MEGF10: variants seen among roughly 807,000 people sequenced by gnomAD.
MEGF10 encodes multiple EGF like domains 10, also known as multiple epidermal growth factor-like domains protein 10.
MEGF10 carries 86 observed loss-of-function variants against 147.5 expected under a neutral mutation model. That is an observed-to-expected ratio of 0.58 (90% CI 0.49 to 0.70). The LOEUF (loss-of-function observed/expected upper bound fraction) is 0.70, where lower values mean the gene tolerates loss of function less well. MEGF10 is among the 30% of genes least tolerant of loss of function. The pLI is 0.00. For missense variants in MEGF10, 1,329 were observed against 1,487.3 expected (o/e 0.89, Z 1.75); for synonymous variants, 478 against 525.5 (o/e 0.91, Z 1.24).
In MEGF10 at chr5:127,357,118, G is replaced by T. The variant is rs865903212; in HGVS notation, c.320-12792G>T. ...TCTTCTAAGGACAATTATATTATCT[G>T]TTCTAACAACTCAAGAAAGGGAAAG... On this transcript the variant is annotated intron_variant, in intron 4 of 24. Transcript: ENST00000503335. 3.3e-5 allele frequency among the ~76,000 whole-genome samples: 5 copies of T among 152,226 alleles called. No individual in the cohort carries two copies. The South Asian group carries it at 1.0e-3, about 32-fold the overall frequency.
At position 127,415,010 on chromosome 5, in the gene MEGF10, GC is replaced by G. The variant is rs538039583; in HGVS notation, c.1131-2627del. On this transcript the variant is annotated intron_variant, in intron 9 of 24. Transcript: ENST00000503335. ...GGAAAGACAAACTGGAGAGAGATAGGCAGAGAGTAAGGAAACTGCATCCTAA... is the reference window on the plus strand; with the variant it reads ...GGAAAGACAAACTGGAGAGAGATAGGAGAGAGTAAGGAAACTGCATCCTAA... Among the ~76,000 whole-genome samples the G allele has an allele frequency of 2.3e-3, 350 of 152,116 alleles. 3 individuals are homozygous for G. Among genetic ancestry groups the G allele is most frequent in the Middle Eastern group, 0.01 (3 of 294 alleles).
At chr5:127,247,336 A>T in the MEGF10 span, among the ~76,000 whole-genome samples, 19 of 3,772 alleles carry the variant, frequency 5.0e-3, 2 homozygotes, top group Non-Finnish European at 8.8e-3. Context: ...GAAGAAGAAG[A>T]AGAAGAAGAA....
At chr5:127,333,616 T>C (rs1761356102) in intron 2 of MEGF10, among the ~76,000 whole-genome samples, 1 of 152,222 alleles carries the variant, frequency 6.6e-6, no homozygotes, top group Non-Finnish European at 1.5e-5. Flanking sequence ...CCTGCTTCCC[T>C]GGTCAGCAGT....
chr5:127,434,393 G>A (rs1765487372), intron 14 of MEGF10, among the ~76,000 whole-genome samples: 1 of 152,022 alleles, frequency 6.6e-6, no homozygotes, highest in Admixed American at 6.6e-5. Flanking sequence ...AATTCCTGGA[G>A]CCCTGCTTTA....
chr5:127,414,714 C>T (rs905371454), intron 9 of MEGF10, among the ~76,000 whole-genome samples: 2 of 152,182 alleles, frequency 1.3e-5, no homozygotes, highest in Admixed American at 6.5e-5. Context: ...GTGGCATTTT[C>T]ACTTATTCAT....
At chr5:127,241,463 G>A in the MEGF10 span, among the ~76,000 whole-genome samples, 2 of 152,142 alleles carry the variant, frequency 1.3e-5, no homozygotes. Context: ...TACAGATGGG[G>A]TGAAAGGCTC....
the MEGF10 span, among the ~76,000 whole-genome samples, chr5:127,247,452 GAAGAAGAA>G: frequency 1.6e-5 from 2 of 128,020 alleles, no homozygotes; most frequent in African/African-American, 6.0e-5. Context: ...AGAAGAAGAA[GAAGAAGAA>G]GAAGAAGAAG....
chr5:127,266,232 G>C, the MEGF10 span, among the ~76,000 whole-genome samples: 6 of 151,784 alleles, frequency 4.0e-5, no homozygotes, highest in Non-Finnish European at 7.4e-5. Context: ...AATGGTTGTA[G>C]ATGTGTGGTG....
At chr5:127,261,201 C>T in the MEGF10 span, among the ~76,000 whole-genome samples, 26 of 152,232 alleles carry the variant, frequency 1.7e-4, no homozygotes, top group Non-Finnish European at 5.9e-5. Context: ...TAGAATATTT[C>T]ATTACCTCCA....
At chr5:127,266,248 T>C in the MEGF10 span, among the ~76,000 whole-genome samples, 1 of 151,838 alleles carries the variant, frequency 6.6e-6, no homozygotes, top group East Asian at 1.9e-4. Context: ...TGGTGTTATT[T>C]CTGAGGCCTC....
chr5:127,252,690 C>T, the MEGF10 span, among the ~76,000 whole-genome samples: 2 of 151,802 alleles, frequency 1.3e-5, no homozygotes, highest in African/African-American at 4.8e-5. Context: ...GAGAGACAGA[C>T]TGCATTTTTA....
chr5:127,438,987 A>G (rs1488713389), intron 17 of MEGF10, among the ~76,000 whole-genome samples: 1 of 152,180 alleles, frequency 6.6e-6, no homozygotes, highest in Non-Finnish European at 1.5e-5. Context: ...TTCGAATGGT[A>G]GCAAGCTTCA....
chr5:127,359,586 A>T (rs1762403640), intron 4 of MEGF10, among the ~76,000 whole-genome samples: 1 of 151,964 alleles, frequency 6.6e-6, no homozygotes, highest in Admixed American at 6.6e-5. Flanking sequence ...GTCACTCTAG[A>T]TTGCTTCGTA....
At chr5:127,242,005 A>G in the MEGF10 span, among the ~76,000 whole-genome samples, 54 of 152,238 alleles carry the variant, frequency 3.5e-4, no homozygotes, top group African/African-American at 1.2e-3. Flanking sequence ...GCTTCCACTT[A>G]GTTTTATAGG....
intron 24 of MEGF10, 131 bp from the exon 25 acceptor site, chr5:127,456,997 T>A: frequency 1.0e-6 from 1 of 957,232 alleles, no homozygotes; most frequent in African/African-American, 1.7e-5. Context: ...TAAAATCATG[T>A]TTTTAAAACC....
chr5:127,309,965 C>CTTTCTTTCTTTCTTTCTTTCTTTCTTTCT (rs1561561897), intron 1 of MEGF10, among the ~76,000 whole-genome samples: 6 of 64,198 alleles, frequency 9.3e-5, no homozygotes, highest in Non-Finnish European at 3.5e-5. Context: ...TTCTTTCTTT[C>CTTTCTTTCTTTCTTTCTTTCTTTCTTTCT]TTTCTTTCTT....
intron 6 of MEGF10, 23 bp from the exon 7 acceptor site, chr5:127,398,652 CT>C (rs1764014845): frequency 1.2e-6 from 2 of 1,613,768 alleles, no homozygotes. Flanking sequence ...TAACAGTGTC[CT>C]TTGTCACATG....
intron 5 of MEGF10, among the ~76,000 whole-genome samples, chr5:127,379,269 CA>C (rs1763160285): frequency 6.6e-6 from 1 of 152,098 alleles, no homozygotes; most frequent in Non-Finnish European, 1.5e-5. Flanking sequence ...CCACCCAAGT[CA>C]ATTATCTATG....
At chr5:127,294,415 G>C (rs1484391527) in intron 1 of MEGF10, among the ~76,000 whole-genome samples, 1 of 152,184 alleles carries the variant, frequency 6.6e-6, no homozygotes, top group African/African-American at 2.4e-5. Flanking sequence ...AGCAGACAAA[G>C]TGGTTGGGAC....
Sources: gnomAD v4.1 joint callset for allele counts (sites outside exome capture counted in the v4.1 genomes callset) on GRCh38, gnomAD v4.1.1 for gene constraint, MANE v1.5 for transcripts, NCBI Gene and HGNC (gene_info 2026-07-23, HGNC 2026-07-21) for gene names.